DENND1A: variants seen among roughly 807,000 people sequenced by gnomAD.
DENND1A encodes DENN domain-containing protein 1A.
In DENND1A, 51 loss-of-function variants were observed where a neutral mutation model predicts 113.7. That is an observed-to-expected ratio of 0.45 (90% confidence interval 0.36 to 0.57). DENND1A has a LOEUF of 0.57. Among genes scored for constraint, DENND1A ranks in the 20% least tolerant of loss-of-function variants. DENND1A has a pLI of 0.00. For missense variants in DENND1A, 1,258 were observed against 1,395.9 expected (o/e 0.90, Z 1.57); for synonymous variants, 565 against 570.8 (o/e 0.99, Z 0.14).
chr9:123,502,026 C>A (rs765941567), intron 13 of DENND1A, among the ~76,000 whole-genome samples: 1 of 152,128 alleles, frequency 6.6e-6, no homozygotes, highest in Non-Finnish European at 1.5e-5. Context: ...TCTAGATAAC[C>A]CTAATACAGG....
chr9:123,547,921 G>T (rs12379522), intron 13 of DENND1A, among the ~76,000 whole-genome samples: 2,686 of 152,278 alleles, frequency 0.018, 41 homozygotes, highest in South Asian at 0.033. Flanking sequence ...TCTACTATCA[G>T]CAAGGCACTA....
intron 13 of DENND1A, among the ~76,000 whole-genome samples, chr9:123,458,956 C>T (rs1036794720): frequency 6.6e-6 from 1 of 151,618 alleles, no homozygotes; most frequent in Non-Finnish European, 1.5e-5. Context: ...AGCAAAACTC[C>T]GTCTCAAAAC....
chr9:123,498,743 G>C (rs1180178759), intron 13 of DENND1A, among the ~76,000 whole-genome samples: 1 of 149,916 alleles, frequency 6.7e-6, no homozygotes, highest in Non-Finnish European at 1.5e-5. Context: ...TTTTTCTTGA[G>C]ACAAAGTCTC....
Position 123,930,053 on chromosome 9 carries a change from T to TCGCCGC in DENND1A, c.-154_-149dup, listed in dbSNP as rs1172827967. 2.9e-4 allele frequency: 60 copies of TCGCCGC among 204,554 alleles called. No individual in the cohort carries two copies. The highest frequency in any genetic ancestry group is 1.3e-3 in the South Asian group (8 of 6,022). 12.7% of individuals were successfully genotyped at this position (204,554 alleles called of 1,614,324 possible). On this transcript the variant is annotated 5_prime_UTR_variant, in exon 1 of 24. Transcript: ENST00000394215. ...GCCCGCCCGCTCGAGGCTCGCTCCC[T>TCGCCGC]CGCCGCCGCCGCCGCCTCCAGGGGT...
intron 19 of DENND1A, chr9:123,413,943 CT>C: frequency 1.0e-6 from 1 of 987,758 alleles, no homozygotes; most frequent in Non-Finnish European, 1.2e-6. Context: ...CCCAGCTCTC[CT>C]ACACCACTCC....
At chr9:123,402,240 G>A (rs113192829) in intron 21 of DENND1A, among the ~76,000 whole-genome samples, 7 of 119,714 alleles carry the variant, frequency 5.8e-5, no homozygotes, top group African/African-American at 2.6e-4. Flanking sequence ...AAGCGCACAC[G>A]TGCACACACA....
chr9:123,549,790 G>T (rs2056929414), intron 13 of DENND1A, among the ~76,000 whole-genome samples: 1 of 152,212 alleles, frequency 6.6e-6, no homozygotes, highest in South Asian at 2.1e-4. Flanking sequence ...AGATTTGCTT[G>T]TACCTATGTA....
chr9:123,693,257 A>G (rs2065287495), intron 5 of DENND1A, among the ~76,000 whole-genome samples: 1 of 152,208 alleles, frequency 6.6e-6, no homozygotes, highest in South Asian at 2.1e-4. Context: ...CATAGCTCTT[A>G]GCACACAGCA....
intron 5 of DENND1A, among the ~76,000 whole-genome samples, chr9:123,726,241 A>T (rs564408038): frequency 6.6e-6 from 1 of 152,220 alleles, no homozygotes; most frequent in Non-Finnish European, 1.5e-5. Context: ...CATTTTCAGA[A>T]GAAGTCATTT....
intron 1 of DENND1A, among the ~76,000 whole-genome samples, chr9:123,882,996 C>T (rs543903386): frequency 1.5e-4 from 23 of 152,330 alleles, no homozygotes; most frequent in African/African-American, 5.3e-4. Context: ...CCTCTCTCCC[C>T]TTGCCCACTG....
At chr9:123,551,987 G>A (rs1475394223) in intron 13 of DENND1A, among the ~76,000 whole-genome samples, 1 of 148,280 alleles carries the variant, frequency 6.7e-6, no homozygotes, top group Non-Finnish European at 1.5e-5. Flanking sequence ...GAAAGAGAGA[G>A]AGAGCGAGAG....
intron 12 of DENND1A, among the ~76,000 whole-genome samples, chr9:123,569,845 C>A (rs2058256807): frequency 6.6e-6 from 1 of 152,292 alleles, no homozygotes; most frequent in Admixed American, 6.5e-5. Flanking sequence ...TGGGATCCAA[C>A]ACTCGACCCT....
chr9:123,519,249 C>T (rs2054189651), intron 13 of DENND1A, among the ~76,000 whole-genome samples: 1 of 152,180 alleles, frequency 6.6e-6, no homozygotes, highest in Non-Finnish European at 1.5e-5. Flanking sequence ...TTGTATTTCC[C>T]TACAGTGTAA....
intron 13 of DENND1A, among the ~76,000 whole-genome samples, chr9:123,477,911 C>G (rs982255600): frequency 6.6e-6 from 1 of 152,086 alleles, no homozygotes; most frequent in East Asian, 1.9e-4. Context: ...GTTGATAGAA[C>G]GTGAACACAT....
At chr9:123,471,601 C>T (rs938223188) in intron 13 of DENND1A, among the ~76,000 whole-genome samples, 13 of 152,246 alleles carry the variant, frequency 8.5e-5, no homozygotes, top group Middle Eastern at 3.4e-3. Context: ...AGGGCTGGGA[C>T]GCCGCAGGAC....
chr9:123,912,981 G>T (rs1371571974), intron 1 of DENND1A, among the ~76,000 whole-genome samples: 1 of 152,032 alleles, frequency 6.6e-6, no homozygotes, highest in Non-Finnish European at 1.5e-5. Context: ...TGTAGTAACG[G>T]AATCCTTCAC....
chr9:123,430,261 A>G (rs1337523105), intron 19 of DENND1A, among the ~76,000 whole-genome samples: 3 of 152,216 alleles, frequency 2.0e-5, no homozygotes, highest in African/African-American at 4.8e-5. Flanking sequence ...TAGTTCAACC[A>G]TTGTGGAAGA....
chr9:123,542,127 T>C (rs2056335184), intron 13 of DENND1A, among the ~76,000 whole-genome samples: 1 of 151,446 alleles, frequency 6.6e-6, no homozygotes, highest in South Asian at 2.1e-4. Context: ...GTTTGGGGGG[T>C]AGTCAATCAA....
intron 13 of DENND1A, among the ~76,000 whole-genome samples, chr9:123,539,492 C>T (rs1035163911): frequency 2.6e-4 from 40 of 151,508 alleles, no homozygotes; most frequent in African/African-American, 9.0e-4. Context: ...GAAGTGATTA[C>T]CATGAAATCA....
Sources: allele counts gnomAD v4.1 joint callset (sites outside exome capture counted in the v4.1 genomes callset), GRCh38; gene constraint gnomAD v4.1.1; transcripts MANE v1.5; gene names NCBI Gene and HGNC (gene_info 2026-07-23, HGNC 2026-07-21).